The following FANCI variants were observed in gnomAD, a reference collection of about 807,000 sequenced individuals.
FANCI encodes Fanconi anemia group I protein.
In FANCI, 156 loss-of-function variants were observed where a neutral mutation model predicts 176.1. The ratio of observed to expected loss-of-function variants is 0.89; its 90% confidence interval spans 0.78 to 1.01. FANCI has a LOEUF of 1.01. Among genes scored for constraint, FANCI ranks in the 50% least tolerant of loss-of-function variants. The probability of loss-of-function intolerance (pLI) is 0.00; values close to 1 mark genes in which losing one functional copy is unlikely to be tolerated. For missense variants in FANCI, 1,678 were observed against 1,534.1 expected (o/e 1.09, Z -1.57); for synonymous variants, 613 against 541.7 (o/e 1.13, Z -1.83).
At position 89,305,164 on chromosome 15, in the gene FANCI, T is replaced by A; in HGVS notation, c.3108T>A (p.His1036Gln). 6.2e-7 allele frequency: 1 copy of A among 1,614,210 alleles called. No individual in the cohort carries two copies. The highest frequency in any genetic ancestry group is 8.5e-7 in the Non-Finnish European group (1 of 1,180,042). ...TGATGAACTTGCTCTTCAGCCTGCA[T>A]GTTTCGTATAAGAGTCCTGTCATTC... Reference protein sequence around the residue: ...KSLMNLLFSLHVSYKSPVILL... With the variant: ...KSLMNLLFSLQVSYKSPVILL... Residue 1036 changes from histidine (H) to glutamine (Q), a missense_variant, in exon 29 of 38, where the codon CAT becomes CAA. By Grantham distance (24) the His-to-Gln change is conservative (BLOSUM62 0). Transcript: ENST00000310775.
In FANCI at chr15:89,316,421, C is replaced by T. The variant is rs758856471; in HGVS notation, c.3949C>T (p.Gln1317Ter). The T allele has an allele frequency of 2.5e-6, 4 of 1,611,622 alleles. No individual in the cohort carries two copies. Among genetic ancestry groups the T allele is most frequent in the Non-Finnish European group, 2.5e-6 (3 of 1,178,654 alleles). Residue 1317 changes from glutamine to a stop codon, truncating the protein, a stop_gained, in exon 38 of 38, where the codon CAG becomes TAG. Transcript: ENST00000310775. LOFTEE classifies it high-confidence loss of function. ...EEGTASEHGGQNKEPAKKKRK... is the reference protein window; with the variant it reads ...EEGTASEHGG ...GGGCACTGCATCAGAGCATGGGGGA[C>T]AGAACAAAGAACCAGCCAAGAAGAA...
At chr15:89,314,768 C>A in intron 36 of FANCI, 61 bp downstream of exon 36, 1 of 1,241,458 alleles carries the variant, frequency 8.1e-7, no homozygotes, top group Admixed American at 1.7e-5. Context: ...ATCTGGCAAA[C>A]TGAAGCAGCA....
chr15:89,293,935 C>A lies in FANCI; in HGVS notation c.2394C>A (p.Asn798Lys). Reference sequence around the variant, plus strand: ...GTAAAGCCAAAACTAAAATGGCCAACAAGACAAGTGATAGTCTTTTGTCCA... The same window carrying A: ...GTAAAGCCAAAACTAAAATGGCCAAAAAGACAAGTGATAGTCTTTTGTCCA... ...KAGKAKTKMA[N>K]KTSDSLLSMK... Residue 798 changes from asparagine (N) to lysine (K), a missense_variant, in exon 23 of 38, where the codon AAC becomes AAA. By Grantham distance (94) the Asn-to-Lys change is moderately conservative. Around this residue, in one of 3 missense-constraint regions of FANCI, gnomAD observed 1,204 missense variants for 1,077.4 expected, o/e 1.12. Coordinates refer to ENST00000310775, the MANE Select transcript of FANCI (RefSeq NM_001113378.2). 6.2e-7 allele frequency: 1 copy of A among 1,614,104 alleles called. No individual in the cohort carries two copies. The highest frequency in any genetic ancestry group is 8.5e-7 in the Non-Finnish European group (1 of 1,180,006).
At chr15:89,250,296 A>T (rs1034336664) in intron 2 of FANCI, among the ~76,000 whole-genome samples, 1 of 152,152 alleles carries the variant, frequency 6.6e-6, no homozygotes, top group African/African-American at 2.4e-5. Flanking sequence ...AACCAACCCA[A>T]GTGTCCAACA....
intron 28 of FANCI, among the ~76,000 whole-genome samples, chr15:89,304,907 G>C (rs1185848989): frequency 6.6e-6 from 1 of 152,084 alleles, no homozygotes; most frequent in African/African-American, 2.4e-5. Flanking sequence ...CTCCCAAGTA[G>C]CTGGGATTAC....
chr15:89,280,624 C>G (rs1289965383), intron 14 of FANCI, among the ~76,000 whole-genome samples: 3 of 152,136 alleles, frequency 2.0e-5, no homozygotes, highest in Admixed American at 2.0e-4. Flanking sequence ...ATGAGCTCTT[C>G]TTCCTTTGAA....
Position 89,261,741 on chromosome 15 carries a change from G to C in FANCI, c.445G>C (p.Gly149Arg), listed in dbSNP as rs763494935. Reference protein sequence around the residue: ...TKKENLAYGKGVLSGEECKKQ... With the variant: ...TKKENLAYGKRVLSGEECKKQ... Reference sequence around the variant, plus strand: ...AAAGGAAAATCTGGCTTATGGAAAAGGTAATTTTCTTCCGACTTTAGTGGC... The same window carrying C: ...AAAGGAAAATCTGGCTTATGGAAAACGTAATTTTCTTCCGACTTTAGTGGC... Residue 149 changes from glycine (G) to arginine (R), a missense_variant and splice_region_variant, in exon 5 of 38, where the codon GGT becomes CGT. By Grantham distance (125) the Gly-to-Arg change is moderately radical (BLOSUM62 -2). Coordinates refer to ENST00000310775, the MANE Select transcript of FANCI (RefSeq NM_001113378.2). 1 of 1,614,070 alleles carries C rather than the reference G, an allele frequency of 6.2e-7. No homozygotes were observed. Among genetic ancestry groups the C allele is most frequent in the Non-Finnish European group, 8.5e-7 (1 of 1,180,000 alleles).
chr15:89,273,751 TGGA>T lies in FANCI; in HGVS notation c.975+286_975+288del, dbSNP rs71149288. Reference sequence around the variant, plus strand: ...TGGAAGGATACCACACAGCCCCAGTTGGAGGAAGGGACAATTTAGCTGGATATT... The same window carrying T: ...TGGAAGGATACCACACAGCCCCAGTTGGAAGGGACAATTTAGCTGGATATT... On this transcript the variant is annotated intron_variant, in intron 11 of 37. Coordinates refer to ENST00000310775, the MANE Select transcript of FANCI (RefSeq NM_001113378.2). Among the ~76,000 whole-genome samples, 45,431 of 151,852 alleles carry T rather than the reference TGGA, an allele frequency of 0.3. 8,209 individuals are homozygous for T. Among genetic ancestry groups the T allele is most frequent in the Non-Finnish European group, 0.39 (26,358 of 67,882 alleles).
At chr15:89,279,139 G>C (rs1366939496) in intron 14 of FANCI, among the ~76,000 whole-genome samples, 5 of 133,964 alleles carry the variant, frequency 3.7e-5, no homozygotes, top group Non-Finnish European at 8.0e-5. Context: ...TGAATTTGCT[G>C]TTTTGTTGTT....
chr15:89,292,818 C>A lies in FANCI; in HGVS notation c.2123C>A (p.Ser708Tyr). 1 of 1,614,022 alleles carries A rather than the reference C, an allele frequency of 6.2e-7. No individual in the cohort carries two copies. The part of the protein sequence containing the change: ...FYEDLDDILE[S>Y]ITNRMIKSEL... Reference sequence around the variant, plus strand: ...GAAGACCTAGATGATATATTGGAGTCCATTACTAATAGAATGATTAAGAGT... The same window carrying A: ...GAAGACCTAGATGATATATTGGAGTACATTACTAATAGAATGATTAAGAGT... The change falls in exon 21 of 38, where the codon TCC (serine) becomes TAC (tyrosine). Residue 708 changes from serine to tyrosine, a missense_variant. Ser to Tyr is a moderately radical substitution (Grantham distance 144). This residue lies in a region of FANCI where 1,204 missense variants were observed against 1,077.4 expected (regional missense o/e 1.12). Transcript: ENST00000310775.
At chr15:89,313,377 G>T (rs1458183669) in intron 35 of FANCI, among the ~76,000 whole-genome samples, 5 of 152,190 alleles carry the variant, frequency 3.3e-5, no homozygotes, top group African/African-American at 9.7e-5. Flanking sequence ...GGGATTTTAT[G>T]ATCAGATGGA....
chr15:89,307,716 A>G (rs1389533617), intron 34 of FANCI, 44 bp downstream of exon 34: 1 of 1,614,066 alleles, frequency 6.2e-7, no homozygotes, highest in Admixed American at 1.7e-5. Flanking sequence ...TCAAGAAAGG[A>G]TTTCTTACAT....
chr15:89,246,789 A>T (rs1245522673), intron 1 of FANCI, among the ~76,000 whole-genome samples: 3 of 119,262 alleles, frequency 2.5e-5, no homozygotes, highest in Non-Finnish European at 4.8e-5. Context: ...TTTTTGAGAC[A>T]GAGCCTCGCT....
At chr15:89,269,946 G>A (rs1331022170) in intron 10 of FANCI, among the ~76,000 whole-genome samples, 5 of 152,090 alleles carry the variant, frequency 3.3e-5, no homozygotes, top group African/African-American at 1.2e-4. Context: ...AAGTAGCTGG[G>A]ACTACAAGTG....
chr15:89,282,349 A>ATTT, intron 16 of FANCI: 1 of 167,226 alleles, frequency 6.0e-6, no homozygotes, highest in Non-Finnish European at 1.3e-5. Flanking sequence ...TAGTAGATCA[A>ATTT]ATTAATTGTT....
intron 25 of FANCI, 104 bp downstream of exon 25, chr15:89,300,070 T>G (rs1232337292): frequency 7.5e-7 from 1 of 1,338,128 alleles, no homozygotes; most frequent in Non-Finnish European, 1.1e-6. Flanking sequence ...AGAACAGTCC[T>G]AATGTTGCTA....
intron 25 of FANCI, 86 bp downstream of exon 25, chr15:89,300,052 G>A (rs1596316906): frequency 2.0e-6 from 3 of 1,465,862 alleles, no homozygotes; most frequent in East Asian, 4.5e-5. Flanking sequence ...CCTACCAGAA[G>A]ACACTTGAGA....
Position 89,261,581 on chromosome 15 carries a change from T to G in FANCI, c.289-4T>G. On this transcript the variant is annotated splice_region_variant and splice_polypyrimidine_tract_variant and intron_variant, in intron 4 of 37. Coordinates refer to ENST00000310775, the MANE Select transcript of FANCI (RefSeq NM_001113378.2). ...GAGATTTCCTTTATCCTGTGAACTT[T>G]TAGGCTCACCATTTTCCAGGACCAT... 1 of 1,614,134 alleles carries G rather than the reference T, an allele frequency of 6.2e-7. No individual in the cohort carries two copies. Among genetic ancestry groups the G allele is most frequent in the Non-Finnish European group, 8.5e-7 (1 of 1,180,020 alleles).
At position 89,278,711 on chromosome 15, in the gene FANCI, A is replaced by T; in HGVS notation, c.1318A>T (p.Ile440Phe). 1 of 1,613,944 alleles carries T rather than the reference A, an allele frequency of 6.2e-7. No homozygotes were observed. The highest frequency in any genetic ancestry group is 8.5e-7 in the Non-Finnish European group (1 of 1,179,856). Residue 440 changes from isoleucine to phenylalanine, a missense_variant, in exon 14 of 38, where the codon ATT becomes TTT. Coordinates refer to ENST00000310775, the MANE Select transcript of FANCI (RefSeq NM_001113378.2). The stretch of plus-strand genomic sequence containing the variant: ...GATCCATGAGATGATCAGACAAGAA[A>T]TTTTGGAGCAGGTCCTCAACAGGGT... Reference protein sequence around the residue: ...FKIHEMIRQEILEQVLNRVVT... With the variant: ...FKIHEMIRQEFLEQVLNRVVT...
Sources: gnomAD v4.1 joint callset for allele counts (sites outside exome capture counted in the v4.1 genomes callset) on GRCh38, gnomAD v4.1.1 for gene constraint, gnomAD v4.1.1 regional missense constraint, MANE v1.5 for transcripts, NCBI Gene and HGNC (gene_info 2026-07-23, HGNC 2026-07-21) for gene names.